The following HS6ST3 variants were observed in gnomAD, a reference collection of about 807,000 sequenced individuals.
HS6ST3 encodes the protein heparan sulfate 6-O-sulfotransferase 3, also known as heparan-sulfate 6-O-sulfotransferase 3.
A neutral mutation model predicts 36.7 loss-of-function variants in HS6ST3; 12 were observed. The observed-to-expected ratio is 0.33, with a 90% CI of 0.21 to 0.53. HS6ST3 has a LOEUF of 0.53. Among genes scored for constraint, HS6ST3 ranks in the 20% least tolerant of loss-of-function variants. The probability of loss-of-function intolerance (pLI) is 0.95; values close to 1 mark genes in which losing one functional copy is unlikely to be tolerated. For synonymous variants in HS6ST3, 240 were observed against 257.5 expected (o/e 0.93, Z 0.65); for missense variants, 584 against 640.9 (o/e 0.91, Z 0.96).
intron 1 of HS6ST3, among the ~76,000 whole-genome samples, chr13:96,150,371 C>T (rs1467189618): frequency 6.6e-6 from 1 of 152,058 alleles, no homozygotes. Context: ...GAAGTTCTCA[C>T]TCTGGTCATG....
At chr13:96,240,944 T>C (rs913083516) in intron 1 of HS6ST3, among the ~76,000 whole-genome samples, 3 of 152,202 alleles carry the variant, frequency 2.0e-5, no homozygotes, top group Non-Finnish European at 2.9e-5. Context: ...ATAGGTTAAG[T>C]AGATAGTTGG....
At chr13:96,659,898 G>T (rs1266590022) in intron 1 of HS6ST3, among the ~76,000 whole-genome samples, 1 of 151,926 alleles carries the variant, frequency 6.6e-6, no homozygotes, top group Admixed American at 6.6e-5. Flanking sequence ...GATGTGTTTT[G>T]TAACTTTTTA....
In HS6ST3 at chr13:96,502,820, C is replaced by A. The variant is rs577886842; in HGVS notation, c.708-329670C>A. Among the ~76,000 whole-genome samples, 78 of 152,076 alleles carry A rather than the reference C, an allele frequency of 5.1e-4. 1 individual carries two copies. The highest frequency in any genetic ancestry group is 4.8e-5 in the African/African-American group (2 of 41,404). ...ACCTATCTAAAATATTTTAGCCAAGCCATATATCTTGAATACCAATGAGAA... is the reference window on the plus strand; with the variant it reads ...ACCTATCTAAAATATTTTAGCCAAGACATATATCTTGAATACCAATGAGAA... On this transcript the variant is annotated intron_variant, in intron 1 of 1. Coordinates refer to ENST00000376705, the MANE Select transcript of HS6ST3 (RefSeq NM_153456.4).
chr13:96,382,050 G>T (rs903619856), intron 1 of HS6ST3, among the ~76,000 whole-genome samples: 22 of 152,184 alleles, frequency 1.4e-4, no homozygotes, highest in Middle Eastern at 3.4e-3. Context: ...GATGTGATTG[G>T]CTTGTTTGAA....
chr13:96,285,072 A>G (rs2054795291), intron 1 of HS6ST3, among the ~76,000 whole-genome samples: 1 of 151,968 alleles, frequency 6.6e-6, no homozygotes, highest in South Asian at 2.1e-4. Flanking sequence ...TTTACTTATT[A>G]GTCTTGCACT....
chr13:96,598,752 A>G (rs1174096063), intron 1 of HS6ST3, among the ~76,000 whole-genome samples: 1 of 152,090 alleles, frequency 6.6e-6, no homozygotes, highest in African/African-American at 2.4e-5. Flanking sequence ...GTCTTGCTCC[A>G]GTTCTTAAGG....
At chr13:96,149,241 C>T (rs1352870571) in intron 1 of HS6ST3, among the ~76,000 whole-genome samples, 1 of 152,062 alleles carries the variant, frequency 6.6e-6, no homozygotes, top group African/African-American at 2.4e-5. Flanking sequence ...CAGTAGAAAA[C>T]TATTCTTGGT....
At chr13:96,346,092 C>T (rs1471945217) in intron 1 of HS6ST3, among the ~76,000 whole-genome samples, 2 of 152,112 alleles carry the variant, frequency 1.3e-5, no homozygotes, top group East Asian at 1.9e-4. Flanking sequence ...GGTGGTAATG[C>T]GCTCTTGCCT....
chr13:96,126,978 ACTT>A (rs1415594913), intron 1 of HS6ST3, among the ~76,000 whole-genome samples: 2 of 152,028 alleles, frequency 1.3e-5, no homozygotes, highest in African/African-American at 4.8e-5. Flanking sequence ...GGTGATCCCT[ACTT>A]CTTCTGACTT....
intron 1 of HS6ST3, among the ~76,000 whole-genome samples, chr13:96,481,853 T>A (rs2055891743): frequency 6.6e-6 from 1 of 152,172 alleles, no homozygotes; most frequent in African/African-American, 2.4e-5. Flanking sequence ...AAAGGAAAAC[T>A]AATTATTTTT....
intron 1 of HS6ST3, among the ~76,000 whole-genome samples, chr13:96,354,915 T>C (rs2055202111): frequency 6.6e-6 from 1 of 152,144 alleles, no homozygotes; most frequent in Admixed American, 6.5e-5. Context: ...TAAGGAATAA[T>C]TTCCCCAACT....
chr13:96,684,369 A>G (rs1874706309), intron 1 of HS6ST3, among the ~76,000 whole-genome samples: 1 of 152,078 alleles, frequency 6.6e-6, no homozygotes, highest in Non-Finnish European at 1.5e-5. Flanking sequence ...ACAACTTTAA[A>G]TAGCTAACTT....
chr13:96,567,036 A>G (rs950697318), intron 1 of HS6ST3, among the ~76,000 whole-genome samples: 1 of 152,200 alleles, frequency 6.6e-6, no homozygotes, highest in African/African-American at 2.4e-5. Context: ...AAAAATGTAC[A>G]TATAGTTTAT....
chr13:96,158,303 T>C (rs1594698234), intron 1 of HS6ST3, among the ~76,000 whole-genome samples: 1 of 151,916 alleles, frequency 6.6e-6, no homozygotes, highest in East Asian at 1.9e-4. Context: ...TGCTGGGAGA[T>C]GGCATGGATC....
At chr13:96,582,591 A>G (rs1211377730) in intron 1 of HS6ST3, among the ~76,000 whole-genome samples, 2 of 152,184 alleles carry the variant, frequency 1.3e-5, no homozygotes, top group African/African-American at 2.4e-5. Context: ...GATATCCTGA[A>G]GCAAGTTGGA....
chr13:96,722,988 CGTGTGTGTGTGT>C (rs34651683), intron 1 of HS6ST3, among the ~76,000 whole-genome samples: 61 of 143,672 alleles, frequency 4.2e-4, no homozygotes, highest in Non-Finnish European at 5.4e-4. Flanking sequence ...AAAAAATATA[CGTGTGTGTGTGT>C]GTGTGTGTGT....
At chr13:96,648,312 TTC>T (rs2056595710) in intron 1 of HS6ST3, among the ~76,000 whole-genome samples, 1 of 151,996 alleles carries the variant, frequency 6.6e-6, no homozygotes. Context: ...AACTCAGATT[TTC>T]TCTTATTCCC....
intron 1 of HS6ST3, among the ~76,000 whole-genome samples, chr13:96,151,951 CTAAT>C (rs2054086978): frequency 6.6e-6 from 1 of 152,176 alleles, no homozygotes; most frequent in Non-Finnish European, 1.5e-5. Context: ...CTTGCTTTAA[CTAAT>C]TACATCTGCA....
chr13:96,689,606 CTTTTTTTTT>C (rs34000071), intron 1 of HS6ST3, among the ~76,000 whole-genome samples: 1 of 101,232 alleles, frequency 9.9e-6, no homozygotes, highest in Non-Finnish European at 1.9e-5. Flanking sequence ...TTCTTTCTTT[CTTTTTTTTT>C]TTTTTTTGGT....
Sources: allele counts gnomAD v4.1 joint callset (sites outside exome capture counted in the v4.1 genomes callset), GRCh38; gene constraint gnomAD v4.1.1; transcripts MANE v1.5; gene names NCBI Gene and HGNC (gene_info 2026-07-23, HGNC 2026-07-21).